The following RORA variants were observed in gnomAD, a reference collection of about 807,000 sequenced individuals.
RORA encodes nuclear receptor ROR-alpha.
RORA carries 7 observed loss-of-function variants against 69.5 expected under a neutral mutation model. The observed-to-expected ratio is 0.10, with a 90% CI of 0.06 to 0.19. The LOEUF (loss-of-function observed/expected upper bound fraction) is 0.19, where lower values mean the gene tolerates loss of function less well. Ranked by LOEUF, RORA falls within the 10% of genes least tolerant of loss-of-function variation. The pLI is 1.00. For missense variants in RORA, 457 were observed against 663.0 expected (o/e 0.69, Z 3.41); for synonymous variants, 261 against 240.8 (o/e 1.08, Z -0.78).
At chr15:60,798,793 C>T (rs540012982) in intron 1 of RORA, among the ~76,000 whole-genome samples, 17 of 152,190 alleles carry the variant, frequency 1.1e-4, no homozygotes, top group African/African-American at 3.6e-4. Flanking sequence ...CCCTCTCTGA[C>T]CCCTAATTTC....
chr15:61,096,385 T>C (rs58532633), intron 1 of RORA, among the ~76,000 whole-genome samples: 53 of 152,288 alleles, frequency 3.5e-4, no homozygotes, highest in African/African-American at 1.2e-3. Flanking sequence ...GCTCATTTAG[T>C]AGCGACAATT....
At chr15:60,702,231 C>CTT (rs546014726) in intron 1 of RORA, among the ~76,000 whole-genome samples, 43 of 152,146 alleles carry the variant, frequency 2.8e-4, no homozygotes, top group African/African-American at 9.9e-4. Context: ...CTTCAATGAT[C>CTT]TTTTCTTTTT....
chr15:60,806,258 T>C (rs1318683518), intron 1 of RORA, among the ~76,000 whole-genome samples: 4 of 152,132 alleles, frequency 2.6e-5, no homozygotes, highest in Non-Finnish European at 5.9e-5. Context: ...GGAAAATACA[T>C]ACTCTAGCAG....
intron 1 of RORA, among the ~76,000 whole-genome samples, chr15:60,854,320 C>A (rs1001000820): frequency 6.6e-6 from 1 of 151,830 alleles, no homozygotes; most frequent in Non-Finnish European, 1.5e-5. Context: ...AAACATAGTT[C>A]GAATTCAAAT....
intron 1 of RORA, among the ~76,000 whole-genome samples, chr15:60,866,332 T>C (rs1477417131): frequency 6.6e-6 from 1 of 152,230 alleles, no homozygotes; most frequent in African/African-American, 2.4e-5. Flanking sequence ...CTCAACATAA[T>C]GTCCTCCAGT....
chr15:60,635,385 G>A lies in RORA; in HGVS notation c.196+43272C>T, dbSNP rs554992880. Among the ~76,000 whole-genome samples, 3 of 152,238 alleles carry A rather than the reference G, an allele frequency of 2.0e-5. No homozygotes were observed. The South Asian group carries it at 6.2e-4, about 32-fold the overall frequency. On this transcript the variant is annotated intron_variant, in intron 2 of 10. Transcript: ENST00000335670. Reference sequence around the variant, plus strand: ...AAGGGAGAAAGGGGGAGAACTAAATGCAAAGATAATTTGATTTTAAAAGCT... The same window carrying A: ...AAGGGAGAAAGGGGGAGAACTAAATACAAAGATAATTTGATTTTAAAAGCT...
intron 1 of RORA, among the ~76,000 whole-genome samples, chr15:60,819,754 C>G (rs1310855258): frequency 1.9e-5 from 1 of 53,394 alleles, no homozygotes; most frequent in Admixed American, 2.3e-4. Flanking sequence ...CAGACACACA[C>G]ACACACACAC....
intron 1 of RORA, among the ~76,000 whole-genome samples, chr15:61,170,794 T>C (rs1248677204): frequency 6.6e-6 from 1 of 152,164 alleles, no homozygotes; most frequent in Non-Finnish European, 1.5e-5. Context: ...AGCAGAGCCA[T>C]TTGGATCAAC....
intron 1 of RORA, among the ~76,000 whole-genome samples, chr15:60,906,873 C>T (rs1359737479): frequency 6.6e-6 from 1 of 152,176 alleles, no homozygotes; most frequent in Non-Finnish European, 1.5e-5. Context: ...ATATATTGAG[C>T]ATTTGAGCTA....
chr15:60,952,638 A>G (rs1014883603), intron 1 of RORA, among the ~76,000 whole-genome samples: 13 of 152,344 alleles, frequency 8.5e-5, no homozygotes, highest in African/African-American at 3.1e-4. Flanking sequence ...GCATTCCTAT[A>G]CACCAATAAC....
At chr15:60,551,919 A>G (rs1048175007) in intron 2 of RORA, among the ~76,000 whole-genome samples, 2 of 152,214 alleles carry the variant, frequency 1.3e-5, no homozygotes, top group Admixed American at 6.5e-5. Flanking sequence ...CACAGAGAAA[A>G]ACAGAACCAG....
chr15:61,188,734 A>G (rs1236923499), intron 1 of RORA, among the ~76,000 whole-genome samples: 1 of 152,214 alleles, frequency 6.6e-6, no homozygotes, highest in African/African-American at 2.4e-5. Context: ...AGGGCAGGTG[A>G]TAAAAGTGGC....
chr15:60,925,093 TAATAA>T (rs59752102), intron 1 of RORA, among the ~76,000 whole-genome samples: 47,137 of 139,706 alleles, frequency 0.34, 8,518 homozygotes, highest in Non-Finnish European at 0.41. Context: ...ATAAATAAAT[TAATAA>T]AATAAAATAA....
intron 1 of RORA, among the ~76,000 whole-genome samples, chr15:61,006,662 C>T (rs1046081534): frequency 5.1e-4 from 78 of 152,176 alleles, no homozygotes; most frequent in African/African-American, 1.8e-3. Context: ...GTGGTATTCT[C>T]CAGACTCCCC....
intron 1 of RORA, among the ~76,000 whole-genome samples, chr15:61,114,909 TC>T (rs1424032638): frequency 2.0e-5 from 3 of 152,188 alleles, no homozygotes; most frequent in Admixed American, 2.0e-4. Context: ...TTATGTAAAC[TC>T]CCTCATCATT....
intron 1 of RORA, among the ~76,000 whole-genome samples, chr15:61,091,272 T>C (rs1277405726): frequency 1.3e-5 from 2 of 152,188 alleles, no homozygotes; most frequent in Non-Finnish European, 2.9e-5. Context: ...AGCTCTATCT[T>C]TGTGAACTGA....
intron 1 of RORA, among the ~76,000 whole-genome samples, chr15:60,716,069 A>G (rs2071214979): frequency 1.3e-5 from 2 of 152,210 alleles, no homozygotes; most frequent in African/African-American, 4.8e-5. Flanking sequence ...AATTGCCTGG[A>G]GATCTTATTA....
At chr15:60,588,785 C>A (rs2068412211) in intron 2 of RORA, among the ~76,000 whole-genome samples, 1 of 152,152 alleles carries the variant, frequency 6.6e-6, no homozygotes, top group African/African-American at 2.4e-5. Context: ...CATGACTGGG[C>A]AGCATTAAAT....
At chr15:60,764,207 C>G (rs1054374133) in intron 1 of RORA, 9 of 152,060 alleles carry the variant, frequency 5.9e-5, no homozygotes, top group African/African-American at 2.2e-4. Context: ...GCGGCAACAT[C>G]TGGACCACAT....
Sources: gnomAD v4.1 joint callset for allele counts (sites outside exome capture counted in the v4.1 genomes callset) on GRCh38, gnomAD v4.1.1 for gene constraint, MANE v1.5 for transcripts, NCBI Gene and HGNC (gene_info 2026-07-23, HGNC 2026-07-21) for gene names.